Variants in PTPRG observed in about 807,000 individuals in gnomAD.
PTPRG encodes the protein receptor-type tyrosine-protein phosphatase gamma.
Under a neutral mutation model 165.3 loss-of-function variants are expected in PTPRG, and 102 were observed. The ratio of observed to expected loss-of-function variants is 0.62; its 90% CI spans 0.53 to 0.73. The LOEUF is 0.73. Among genes scored for constraint, PTPRG ranks in the 30% least tolerant of loss-of-function variants. PTPRG has a pLI of 0.00. For missense variants in PTPRG, 1,866 were observed against 1,861.4 expected (o/e 1.00, Z -0.05); for synonymous variants, 675 against 669.5 (o/e 1.01, Z -0.13).
chr3:62,116,164 G>C (rs1240896326), intron 5 of PTPRG, among the ~76,000 whole-genome samples: 2 of 152,072 alleles, frequency 1.3e-5, no homozygotes, highest in East Asian at 3.8e-4. Flanking sequence ...CTGAAGGTCT[G>C]CCCAACTCTT....
intron 2 of PTPRG, among the ~76,000 whole-genome samples, chr3:61,950,779 T>A (rs2039881033): frequency 6.6e-6 from 1 of 152,254 alleles, no homozygotes; most frequent in Non-Finnish European, 1.5e-5. Flanking sequence ...AAAGTGAGTG[T>A]TTTTTGATCT....
chr3:61,612,859 TTGTGTGTGTG>T lies in PTPRG; in HGVS notation c.85+50508_85+50517del, dbSNP rs57134478. On this transcript the variant is annotated intron_variant, in intron 1 of 29. Coordinates refer to ENST00000474889, the MANE Select transcript of PTPRG (RefSeq NM_002841.4). ...GAATTCTCTGGTTCCTGGAATTAAT[TTGTGTGTGTG>T]TGTGTGTGTGTGTGTGTGTGCGCAC... 4.9e-4 allele frequency among the ~76,000 whole-genome samples: 74 copies of T among 150,448 alleles called. 1 individual carries two copies. The highest frequency in any genetic ancestry group is 3.4e-3 in the Middle Eastern group (1 of 294).
chr3:62,160,547 T>TCTG (rs1265702605), intron 7 of PTPRG, among the ~76,000 whole-genome samples: 1 of 152,248 alleles, frequency 6.6e-6, no homozygotes, highest in Non-Finnish European at 1.5e-5. Context: ...CTGTGGGATG[T>TCTG]CAGAGGAGCC....
At chr3:61,562,817 A>G (rs1699796942) in intron 1 of PTPRG, among the ~76,000 whole-genome samples, 1 of 152,070 alleles carries the variant, frequency 6.6e-6, no homozygotes, top group African/African-American at 2.4e-5. Context: ...GGAACTCAGA[A>G]GGTGGGGGTT....
At chr3:62,257,954 A>G (rs1471390611) in intron 16 of PTPRG, among the ~76,000 whole-genome samples, 2 of 152,118 alleles carry the variant, frequency 1.3e-5, no homozygotes, top group Non-Finnish European at 2.9e-5. Context: ...ACAGAGCAAG[A>G]CCCTGTCTCA....
In PTPRG at chr3:61,871,133, G is replaced by GTTATGTTA. The variant is rs1559660066; in HGVS notation, c.191-118491_191-118490insTATGTTAT. On this transcript the variant is annotated intron_variant, in intron 2 of 29. Transcript: ENST00000474889. ...CTGTTATGTTATGTTATGTTATGTT[G>GTTATGTTA]TGTTGTGTTGTGTTGTGTTGTGTTG... 4.2e-3 allele frequency among the ~76,000 whole-genome samples: 486 copies of GTTATGTTA among 115,416 alleles called. 5 individuals are homozygous for GTTATGTTA. The highest frequency in any genetic ancestry group is 5.9e-3 in the Non-Finnish European group (323 of 54,422). The allele number at this position is 115,416 out of a possible 152,430, so 75.7% of individuals were successfully genotyped here.
intron 12 of PTPRG, among the ~76,000 whole-genome samples, chr3:62,204,152 C>G (rs1700167742): frequency 1.3e-5 from 2 of 152,196 alleles, no homozygotes; most frequent in Admixed American, 1.3e-4. Context: ...CTCTCTTACG[C>G]TGGAGTAAGT....
intron 1 of PTPRG, among the ~76,000 whole-genome samples, chr3:61,583,387 C>A (rs1700352089): frequency 6.6e-6 from 1 of 152,156 alleles, no homozygotes; most frequent in Non-Finnish European, 1.5e-5. Flanking sequence ...AGCTTTGTGT[C>A]CTCAGGCCCC....
chr3:62,001,068 T>C lies in PTPRG; in HGVS notation c.371-2281T>C, dbSNP rs2041162649. 3.3e-5 allele frequency among the ~76,000 whole-genome samples: 5 copies of C among 152,362 alleles called. No individual in the cohort carries two copies. The South Asian group carries it at 8.3e-4, about 25-fold the overall frequency. On this transcript the variant is annotated intron_variant, in intron 3 of 29. Transcript: ENST00000474889. ...AGCTCATATGCATGACATCTTGTGC[T>C]CTGCAGTGACTGCCTTCGGTATATT...
intron 28 of PTPRG, among the ~76,000 whole-genome samples, chr3:62,289,234 G>C (rs1278588750): frequency 6.6e-6 from 1 of 152,020 alleles, no homozygotes; most frequent in African/African-American, 2.4e-5. Context: ...CATACCATAG[G>C]GTTACTGTGA....
chr3:62,049,134 G>T (rs1700391019), intron 4 of PTPRG, among the ~76,000 whole-genome samples: 1 of 151,468 alleles, frequency 6.6e-6, no homozygotes, highest in Non-Finnish European at 1.5e-5. Context: ...AAAAAAAACA[G>T]AAGCCGGGGA....
intron 2 of PTPRG, among the ~76,000 whole-genome samples, chr3:61,908,822 T>C (rs1012286190): frequency 6.6e-6 from 1 of 152,200 alleles, no homozygotes; most frequent in South Asian, 2.1e-4. Context: ...TAAATCATGT[T>C]AGGGCTTAGG....
chr3:61,781,770 T>G (rs2034550868), intron 2 of PTPRG, among the ~76,000 whole-genome samples: 1 of 152,044 alleles, frequency 6.6e-6, no homozygotes, highest in Non-Finnish European at 1.5e-5. Context: ...CTCTCTTATG[T>G]AGGCTGGAGT....
chr3:61,743,965 T>C (rs551784046), intron 1 of PTPRG, among the ~76,000 whole-genome samples: 16 of 152,356 alleles, frequency 1.1e-4, no homozygotes, highest in East Asian at 1.9e-4. Flanking sequence ...ACAGAAGATA[T>C]TGAAAATCAA....
At chr3:62,225,892 G>C (rs919006722) in intron 13 of PTPRG, among the ~76,000 whole-genome samples, 13 of 151,930 alleles carry the variant, frequency 8.6e-5, no homozygotes, top group Non-Finnish European at 1.6e-4. Context: ...GACCTCAGGT[G>C]ATCCACCCGC....
chr3:62,132,706 G>T, intron 6 of PTPRG, 38 bp downstream of exon 6: 1 of 1,512,028 alleles, frequency 6.6e-7, no homozygotes, highest in Admixed American at 1.7e-5. Context: ...GCTGGGATGT[G>T]AAGGGCTCAG....
At chr3:61,726,511 A>T (rs1038355086) in intron 1 of PTPRG, among the ~76,000 whole-genome samples, 2 of 152,174 alleles carry the variant, frequency 1.3e-5, no homozygotes, top group African/African-American at 4.8e-5. Flanking sequence ...GCTAAATATA[A>T]TTGTAAGTAG....
intron 1 of PTPRG, among the ~76,000 whole-genome samples, chr3:61,671,138 C>CTTTTCTTTTTTTTTTT (rs1246896291): frequency 1.3e-4 from 16 of 124,994 alleles, no homozygotes; most frequent in African/African-American, 4.4e-4. Context: ...TATGAACTTT[C>CTTTTCTTTTTTTTTTT]TTTTTTTTTT....
At chr3:62,157,472 A>T (rs1048674376) in intron 7 of PTPRG, among the ~76,000 whole-genome samples, 1 of 152,232 alleles carries the variant, frequency 6.6e-6, no homozygotes, top group Non-Finnish European at 1.5e-5. Context: ...AGTATTGTTT[A>T]AGTATTCAAT....
Sources: gnomAD v4.1 joint callset for allele counts (sites outside exome capture counted in the v4.1 genomes callset) on GRCh38, gnomAD v4.1.1 for gene constraint, MANE v1.5 for transcripts, NCBI Gene and HGNC (gene_info 2026-07-23, HGNC 2026-07-21) for gene names.